Variants in TASP1 observed in about 807,000 individuals in gnomAD.
TASP1 encodes the protein taspase 1, also known as threonine aspartase 1.
Under a neutral mutation model 56.6 loss-of-function variants are expected in TASP1, and 16 were observed. That is an observed-to-expected ratio of 0.28 (90% confidence interval 0.19 to 0.43). The LOEUF is 0.43. TASP1 is among the 20% of genes least tolerant of loss of function. The pLI, the probability that TASP1 is intolerant of heterozygous loss-of-function variation, is 1.00. For missense variants in TASP1, 393 were observed against 511.6 expected, an observed-to-expected ratio of 0.77 and a Z score of 2.24; for synonymous variants, 179 against 184.2, an observed-to-expected ratio of 0.97 and a Z score of 0.23.
In TASP1 at chr20:13,409,694, T is replaced by C. The variant is rs574712682; in HGVS notation, c.1170+7754A>G. ...TTTTTTTCAACTGACATACTAATCA[T>C]TTTATTGACACATAATATTTTACAT... is the stretch of plus-strand genomic sequence containing the variant. On this transcript the variant is annotated intron_variant, in intron 13 of 13. Transcript: ENST00000337743. Among the ~76,000 whole-genome samples the C allele has an allele frequency of 1.2e-4, 19 of 152,242 alleles. No individual in the cohort carries two copies. The South Asian group carries it at 3.3e-3, about 27-fold the overall frequency.
the TASP1 span, among the ~76,000 whole-genome samples, chr20:13,373,717 T>C: frequency 6.6e-6 from 1 of 152,162 alleles, no homozygotes. Flanking sequence ...TTCTATGATA[T>C]GTTAAACAGA....
the TASP1 span, among the ~76,000 whole-genome samples, chr20:13,373,762 A>G: frequency 6.6e-6 from 1 of 152,086 alleles, no homozygotes; most frequent in Admixed American, 6.5e-5. Flanking sequence ...ACTTGAGTTT[A>G]TTGAGCTTCC....
the TASP1 span, among the ~76,000 whole-genome samples, chr20:13,186,593 T>C: frequency 6.6e-6 from 1 of 152,112 alleles, no homozygotes; most frequent in Non-Finnish European, 1.5e-5. Context: ...ACACTCCCCT[T>C]CCCCAACACC....
chr20:13,364,587 C>G, the TASP1 span, among the ~76,000 whole-genome samples: 5 of 152,086 alleles, frequency 3.3e-5, no homozygotes, highest in Non-Finnish European at 7.4e-5. Context: ...GCCCTGTGTG[C>G]CTGCCCGTAG....
the TASP1 span, among the ~76,000 whole-genome samples, chr20:13,210,566 T>C: frequency 2.0e-5 from 3 of 152,216 alleles, no homozygotes; most frequent in Admixed American, 1.3e-4. Context: ...GCAGTCTATG[T>C]ATATTTGCAT....
At chr20:13,175,015 G>A in the TASP1 span, among the ~76,000 whole-genome samples, 1 of 152,080 alleles carries the variant, frequency 6.6e-6, no homozygotes, top group Non-Finnish European at 1.5e-5. Context: ...ATGTGACTTT[G>A]CTCTTCATTC....
intron 4 of TASP1, among the ~76,000 whole-genome samples, chr20:13,620,265 TACACACAC>T (rs757563847): frequency 7.3e-4 from 106 of 145,764 alleles, no homozygotes; most frequent in Admixed American, 9.5e-4. Flanking sequence ...CTGTGGTATT[TACACACAC>T]ACACACACAC....
chr20:13,585,477 A>G (rs1370553044), intron 5 of TASP1, among the ~76,000 whole-genome samples: 1 of 152,212 alleles, frequency 6.6e-6, no homozygotes, highest in Non-Finnish European at 1.5e-5. Flanking sequence ...TAAAATATTT[A>G]AAATACTCCA....
At chr20:13,590,397 T>C (rs2047479195) in intron 4 of TASP1, among the ~76,000 whole-genome samples, 1 of 152,076 alleles carries the variant, frequency 6.6e-6, no homozygotes, top group African/African-American at 2.4e-5. Context: ...CAGAATAATA[T>C]GGCCCACAAC....
At chr20:13,433,396 C>T (rs1278475536) in intron 12 of TASP1, among the ~76,000 whole-genome samples, 6 of 151,690 alleles carry the variant, frequency 4.0e-5, no homozygotes, top group Non-Finnish European at 5.9e-5. Flanking sequence ...GATTCAACAA[C>T]GATTAAGACA....
At chr20:13,421,953 C>CTTATTTTTTTT (rs1246920761) in intron 12 of TASP1, among the ~76,000 whole-genome samples, 2,165 of 138,918 alleles carry the variant, frequency 0.016, 88 homozygotes, top group African/African-American at 0.054. Context: ...TCTGTTTAAC[C>CTTATTTTTTTT]TTTTTTTTTT....
At chr20:13,265,828 T>C in the TASP1 span, among the ~76,000 whole-genome samples, 1 of 152,102 alleles carries the variant, frequency 6.6e-6, no homozygotes, top group African/African-American at 2.4e-5. Context: ...AACATTAAGA[T>C]TAATGATAAC....
intron 11 of TASP1, among the ~76,000 whole-genome samples, chr20:13,475,322 T>C (rs904636227): frequency 3.3e-5 from 5 of 152,220 alleles, no homozygotes; most frequent in Non-Finnish European, 5.9e-5. Flanking sequence ...TGGGTACAGT[T>C]GCAAGGCATC....
At chr20:13,273,056 C>T in the TASP1 span, among the ~76,000 whole-genome samples, 1 of 152,098 alleles carries the variant, frequency 6.6e-6, no homozygotes, top group Admixed American at 6.5e-5. Context: ...TGCGGGAGAA[C>T]GGAAGGCTGC....
chr20:13,284,360 C>A, the TASP1 span, among the ~76,000 whole-genome samples: 1 of 152,190 alleles, frequency 6.6e-6, no homozygotes, highest in Non-Finnish European at 1.5e-5. Context: ...CCACTGCACT[C>A]GGGATAGTTT....
intron 1 of TASP1, among the ~76,000 whole-genome samples, chr20:13,636,266 C>A (rs1266548697): frequency 6.6e-6 from 1 of 151,162 alleles, no homozygotes; most frequent in East Asian, 1.9e-4. Flanking sequence ...GTGTCTCAGC[C>A]TCCTGAGTAG....
the TASP1 span, among the ~76,000 whole-genome samples, chr20:13,136,493 G>A: frequency 3.3e-5 from 5 of 151,714 alleles, no homozygotes; most frequent in African/African-American, 7.3e-5. Context: ...CCAGCTACTC[G>A]GGAGGAAGTG....
At chr20:13,133,351 A>G in the TASP1 span, among the ~76,000 whole-genome samples, 6 of 151,910 alleles carry the variant, frequency 3.9e-5, no homozygotes, top group African/African-American at 1.5e-4. Context: ...GCCTTTGAGA[A>G]TCACTGCTGC....
the TASP1 span, chr20:13,288,529 C>T: frequency 1.2e-6 from 2 of 1,612,756 alleles, no homozygotes; most frequent in South Asian, 2.2e-5. Flanking sequence ...ATCTCCCTGG[C>T]TGTCTTCCAG....
Sources: gnomAD v4.1 joint callset for allele counts (sites outside exome capture counted in the v4.1 genomes callset) on GRCh38, gnomAD v4.1.1 for gene constraint, MANE v1.5 for transcripts, NCBI Gene and HGNC (gene_info 2026-07-23, HGNC 2026-07-21) for gene names.